MCM3AP: variants seen among roughly 807,000 people sequenced by gnomAD.
MCM3AP encodes the protein germinal-center associated nuclear protein.
Under a neutral mutation model 184.1 loss-of-function variants are expected in MCM3AP, and 126 were observed. The observed-to-expected ratio is 0.68, with a 90% confidence interval of 0.59 to 0.79. The LOEUF is 0.79. MCM3AP is among the 30% of genes least tolerant of loss of function. The probability of loss-of-function intolerance (pLI) is 0.00; values close to 1 mark genes in which losing one functional copy is unlikely to be tolerated. For synonymous variants in MCM3AP, 1,002 were observed against 979.3 expected (o/e 1.02, Z -0.43); for missense variants, 2,496 against 2,479.2 (o/e 1.01, Z -0.14).
chr21:46,254,671 C>T (rs2145644833), intron 18 of MCM3AP, 105 bp downstream of exon 18: 1 of 1,416,116 alleles, frequency 7.1e-7, no homozygotes, highest in East Asian at 2.3e-5. Flanking sequence ...GTCTGGAGCT[C>T]ATCGAAGAGA....
At chr21:46,274,647 A>C (rs925612533) in intron 6 of MCM3AP, among the ~76,000 whole-genome samples, 1 of 152,136 alleles carries the variant, frequency 6.6e-6, no homozygotes, top group Non-Finnish European at 1.5e-5. Context: ...GTAAAAAGAA[A>C]AAAGTTAGCT....
At chr21:46,251,881 C>CTTTTTTTTTTTTTTTTT (rs754670172) in intron 19 of MCM3AP, 199 bp from the exon 20 acceptor site, 1 of 125,224 alleles carries the variant, frequency 8.0e-6, no homozygotes. Context: ...TGTACTCGTT[C>CTTTTTTTTTTTTTTTTT]TTTTTTTTTT....
At chr21:46,245,851 T>C (rs571591514) in intron 22 of MCM3AP, among the ~76,000 whole-genome samples, 2 of 152,250 alleles carry the variant, frequency 1.3e-5, no homozygotes, top group South Asian at 4.1e-4. Flanking sequence ...TCTTCATATA[T>C]TCAGAGGACA....
At chr21:46,240,729 A>C (rs554500344) in intron 26 of MCM3AP, 82 bp downstream of exon 26, 10 of 1,259,874 alleles carry the variant, frequency 7.9e-6, no homozygotes, top group African/African-American at 1.5e-5. Context: ...TGGCTGTCTT[A>C]TATTAATCAA....
chr21:46,277,626 G>A lies in MCM3AP; in HGVS notation c.1759C>T (p.Pro587Ser). 1.2e-6 allele frequency: 2 copies of A among 1,612,202 alleles called. No individual in the cohort carries two copies. Among genetic ancestry groups the A allele is most frequent in the Non-Finnish European group, 1.7e-6 (2 of 1,179,140 alleles). The change falls in exon 5 of 28, where the codon CCA becomes TCA. Residue 587 changes from proline to serine, a missense_variant. Transcript: ENST00000291688. ...AGGGTACTGAGGGAGAGCACACATG[G>A]CCCGAGGCCCTCGGAGCCCTCGGAG... Reference protein sequence around the residue: ...SASEGSEGLGPCVLSLSTLIG... With the variant: ...SASEGSEGLGSCVLSLSTLIG...
rs2080924082 is a variant in MCM3AP, at chr21:46,254,821, G to A, written c.3956C>T (p.Thr1319Ile). The A allele has an allele frequency of 6.2e-7, 1 of 1,614,120 alleles. No homozygotes were observed. Among genetic ancestry groups the A allele is most frequent in the Non-Finnish European group, 8.5e-7 (1 of 1,179,998 alleles). The change falls in exon 18 of 28, where the codon ACA becomes ATA. Residue 1319 changes from threonine (T) to isoleucine (I), a missense_variant. By Grantham distance (89) the Thr-to-Ile change is moderately conservative (BLOSUM62 -1). Around this residue, in one of 5 missense-constraint regions of MCM3AP, gnomAD observed 1,323 missense variants for 1,273.4 expected, o/e 1.04. Coordinates refer to ENST00000291688, the MANE Select transcript of MCM3AP (RefSeq NM_003906.5). ...GTGCTGAACCTTCATCTGGTGAGCT[G>A]TCTTGTTTCTGAGCCGCCTTAACCT... ...CTRLRRLRNK[T>I]AHQMKVQHFY...
chr21:46,256,471 G>A (rs915808277), intron 17 of MCM3AP: 18 of 374,870 alleles, frequency 4.8e-5, no homozygotes, highest in Non-Finnish European at 8.4e-5. Flanking sequence ...CAACAAGGAT[G>A]GAAGTGGCAG....
chr21:46,250,145 A>G (rs557730133), intron 20 of MCM3AP: 1 of 145,970 alleles, frequency 6.9e-6, no homozygotes, highest in African/African-American at 2.8e-5. Context: ...AAGTGAGACA[A>G]TAAGGCAACT....
chr21:46,239,289 C>T (rs779029035), intron 26 of MCM3AP, among the ~76,000 whole-genome samples: 21 of 152,232 alleles, frequency 1.4e-4, no homozygotes, highest in Non-Finnish European at 2.4e-4. Flanking sequence ...GACACGACCT[C>T]CATCTTAACT....
chr21:46,281,889 T>C (rs1282771217), intron 2 of MCM3AP, among the ~76,000 whole-genome samples: 1 of 151,916 alleles, frequency 6.6e-6, no homozygotes, highest in African/African-American at 2.4e-5. Flanking sequence ...TCCCAGCTAC[T>C]TGGGAGGCTG....
intron 9 of MCM3AP, among the ~76,000 whole-genome samples, chr21:46,269,916 G>A (rs191449736): frequency 8.3e-4 from 127 of 152,270 alleles, no homozygotes; most frequent in African/African-American, 2.5e-3. Context: ...TTTACTCTGC[G>A]CAAACCCCAG....
chr21:46,277,782 T>C (rs1174235040), intron 4 of MCM3AP, 65 bp from the exon 5 acceptor site: 2 of 955,212 alleles, frequency 2.1e-6, no homozygotes, highest in African/African-American at 1.7e-5. Context: ...TTTTCATTTC[T>C]GAACACGTCC....
intron 17 of MCM3AP, 25 bp downstream of exon 17, chr21:46,256,764 G>C (rs1435521855): frequency 6.5e-7 from 1 of 1,535,898 alleles, no homozygotes; most frequent in Admixed American, 2.0e-5. Context: ...GAGCCCTGAC[G>C]AGGCAGGCGA....
rs183722756 is a variant in MCM3AP, at chr21:46,273,541, C to T, written c.2043G>A (p.Ala681=). Residue 681 remains alanine (A), a synonymous_variant, in exon 7 of 28, where the codon GCG becomes GCA. Transcript: ENST00000291688. The stretch of plus-strand genomic sequence containing the variant: ...CGTGGGGCAGGGGCTCCTCCTGATC[C>T]GCCGAGGACCGACTGTACTCTTTCA... ...AAVKEYSRSS[A]DQEEPLPHEL... The T allele has an allele frequency of 7.3e-5, 117 of 1,613,678 alleles. 1 individual carries two copies. The Admixed American group carries it at 1.0e-3, about 14-fold the overall frequency.
Position 46,284,578 on chromosome 21 carries a change from C to T in MCM3AP, c.709G>A (p.Gly237Arg), listed in dbSNP as rs927719029. The change falls in exon 1 of 28, where the codon GGA (glycine) becomes AGA (arginine). Residue 237 changes from glycine to arginine, a missense_variant. Transcript: ENST00000291688. ...GAACTTCCAAATATTGACTTAGGTC[C>T]TCTCTTCTCTTCCTCTACATTTTGG... ...SNQNVEEEKR[G>R]PKSIFGSSNN... is the part of the protein sequence containing the mutation. The T allele has an allele frequency of 6.2e-6, 10 of 1,614,174 alleles. No individual in the cohort carries two copies. The highest frequency in any genetic ancestry group is 8.5e-6 in the Non-Finnish European group (10 of 1,180,020).
chr21:46,264,041 T>C (rs1435628191), intron 13 of MCM3AP, 76 bp downstream of exon 13: 11 of 988,452 alleles, frequency 1.1e-5, no homozygotes, highest in Middle Eastern at 2.1e-4. Context: ...GGCAACTTTA[T>C]GAGAGGAAAC....
intron 16 of MCM3AP, among the ~76,000 whole-genome samples, chr21:46,258,462 T>G (rs2080989811): frequency 6.6e-6 from 1 of 152,222 alleles, no homozygotes; most frequent in African/African-American, 2.4e-5. Flanking sequence ...TTTTCCTTCT[T>G]TTCTTTAGGG....
chr21:46,243,271 T>C (rs1316459149), intron 24 of MCM3AP, 194 bp downstream of exon 24: 1 of 743,536 alleles, frequency 1.3e-6, no homozygotes. Flanking sequence ...GGGAGGTGAG[T>C]TCAGGCTCTA....
rs759390810 is a variant in MCM3AP at position 46,280,564 on chromosome 21, G to C, written c.1455C>G (p.Ala485=). ...AACTTTTCCCCTTCTTTCTAGCCAG[G>C]GCTGCAGATGCCTGGAAAACAGTCC... The part of the protein sequence containing the change: ...VVHFFDHASA[A]LARKKGKSLH... The change falls in exon 3 of 28, where the codon GCC becomes GCG. Residue 485 remains alanine (A), a synonymous_variant. Coordinates refer to ENST00000291688, the MANE Select transcript of MCM3AP (RefSeq NM_003906.5). 1.9e-6 allele frequency: 3 copies of C among 1,611,648 alleles called. No homozygotes were observed. In the African/African-American group the frequency reaches 4.0e-5, roughly 22 times the overall value.
Sources: gnomAD v4.1 joint callset for allele counts (sites outside exome capture counted in the v4.1 genomes callset) on GRCh38, gnomAD v4.1.1 for gene constraint, gnomAD v4.1.1 regional missense constraint, MANE v1.5 for transcripts, NCBI Gene and HGNC (gene_info 2026-07-23, HGNC 2026-07-21) for gene names.